Variants in PRR5L observed in about 807,000 individuals in gnomAD.
PRR5L encodes the protein proline-rich protein 5-like.
In PRR5L, 21 loss-of-function variants were observed where a neutral mutation model predicts 36.4. The observed-to-expected ratio is 0.58, with a 90% CI of 0.41 to 0.83. PRR5L has a LOEUF of 0.83. Ranked by LOEUF, PRR5L falls within the 40% of genes least tolerant of loss-of-function variation. PRR5L has a pLI of 0.00. For missense variants in PRR5L, 381 were observed against 473.3 expected, an observed-to-expected ratio of 0.80 and a Z score of 1.81; for synonymous variants, 188 against 197.0, an observed-to-expected ratio of 0.95 and a Z score of 0.38.
intron 1 of PRR5L, among the ~76,000 whole-genome samples, chr11:36,348,522 C>T (rs1856890676): frequency 6.6e-6 from 1 of 152,180 alleles, no homozygotes; most frequent in Non-Finnish European, 1.5e-5. Context: ...TTCCGGGCAC[C>T]TCTGTCTGCC....
At chr11:36,438,789 G>C (rs1377446247) in intron 6 of PRR5L, among the ~76,000 whole-genome samples, 2 of 151,898 alleles carry the variant, frequency 1.3e-5, no homozygotes, top group East Asian at 3.9e-4. Context: ...AAAAAAACTA[G>C]CCAGGCATGG....
intron 1 of PRR5L, among the ~76,000 whole-genome samples, chr11:36,365,489 A>T (rs1857135487): frequency 6.6e-6 from 1 of 152,156 alleles, no homozygotes; most frequent in Non-Finnish European, 1.5e-5. Context: ...ATTCCATGAA[A>T]TGAAATTAAA....
intron 1 of PRR5L, among the ~76,000 whole-genome samples, chr11:36,376,973 T>C (rs1311999191): frequency 6.6e-6 from 1 of 152,106 alleles, no homozygotes; most frequent in Non-Finnish European, 1.5e-5. Context: ...GCTCCCGGTC[T>C]GCTCTTTAGG....
Position 36,429,666 on chromosome 11 carries a change from A to T in PRR5L, c.295-2187A>T, listed in dbSNP as rs139593725. Among the ~76,000 whole-genome samples the T allele has an allele frequency of 1.4e-4, 22 of 152,342 alleles. No individual in the cohort carries two copies. In the East Asian group the frequency reaches 4.0e-3, roughly 28 times the overall value. ...AGAAGCCTGGAACATCAGTGTTGAC[A>T]CTAGATGTGCTGAGAAGAATGACAT... On this transcript the variant is annotated intron_variant, in intron 4 of 8. Transcript: ENST00000530639.
At chr11:36,444,652 G>T (rs1455635577) in intron 6 of PRR5L, among the ~76,000 whole-genome samples, 1 of 152,178 alleles carries the variant, frequency 6.6e-6, no homozygotes, top group African/African-American at 2.4e-5. Context: ...GGAGGTCCTA[G>T]AATTGTTTCC....
intron 1 of PRR5L, among the ~76,000 whole-genome samples, chr11:36,393,314 G>A (rs1362952530): frequency 6.6e-6 from 1 of 152,126 alleles, no homozygotes; most frequent in Non-Finnish European, 1.5e-5. Flanking sequence ...CATAGTATAA[G>A]GTCTTAGGTT....
chr11:36,447,510 A>G (rs1221144564), intron 7 of PRR5L, among the ~76,000 whole-genome samples: 1 of 152,190 alleles, frequency 6.6e-6, no homozygotes, highest in Non-Finnish European at 1.5e-5. Flanking sequence ...GGACACCCCC[A>G]AGAGGTGACT....
chr11:36,458,200 A>G (rs1306593048), intron 8 of PRR5L, among the ~76,000 whole-genome samples: 2 of 152,136 alleles, frequency 1.3e-5, no homozygotes, highest in Non-Finnish European at 2.9e-5. Flanking sequence ...AGTGTTTGCT[A>G]TTACTTGACT....
At chr11:36,340,919 C>T (rs1856810781) in intron 1 of PRR5L, among the ~76,000 whole-genome samples, 1 of 152,200 alleles carries the variant, frequency 6.6e-6, no homozygotes, top group Admixed American at 6.5e-5. Context: ...ATCTCAGAGC[C>T]AGCTGTGGTA....
intron 4 of PRR5L, among the ~76,000 whole-genome samples, chr11:36,422,855 T>C (rs187251750): frequency 9.9e-5 from 15 of 152,260 alleles, no homozygotes; most frequent in Non-Finnish European, 1.9e-4. Context: ...GGAAGGAAAA[T>C]TGGGGTTTCC....
chr11:36,304,071 G>A (rs1856404785), intron 1 of PRR5L, among the ~76,000 whole-genome samples: 1 of 152,138 alleles, frequency 6.6e-6, no homozygotes, highest in Admixed American at 6.6e-5. Flanking sequence ...GGTCCTCGCA[G>A]CATCCTCAGA....
intron 1 of PRR5L, among the ~76,000 whole-genome samples, chr11:36,337,099 A>G (rs1565396758): frequency 6.6e-6 from 1 of 152,234 alleles, no homozygotes; most frequent in East Asian, 1.9e-4. Flanking sequence ...GCTAAAAAGC[A>G]ACAACCTTTT....
intron 1 of PRR5L, among the ~76,000 whole-genome samples, chr11:36,397,561 A>G (rs1005618753): frequency 7.4e-6 from 1 of 135,876 alleles, no homozygotes; most frequent in East Asian, 2.2e-4. Context: ...GATTCAAGCG[A>G]TTCTCCTGCC....
rs1237092241 is a variant in PRR5L at position 36,464,464 on chromosome 11, A to G, written c.*1728A>G. 4 of 150,720 alleles carry G rather than the reference A, an allele frequency of 2.7e-5. No individual in the cohort carries two copies. The highest frequency in any genetic ancestry group is 4.4e-5 in the Non-Finnish European group (3 of 68,032). The allele number at this position is 150,720 out of a possible 1,614,324, so 9.3% of individuals were successfully genotyped here. A position where few individuals can be genotyped will look rare whatever the true frequency, so the allele number is the denominator to read the frequency against. On this transcript the variant is annotated 3_prime_UTR_variant, in exon 9 of 9. Transcript: ENST00000530639. Reference sequence around the variant, plus strand: ...TTAAGAGTTATTTCATTTTCATCCTAAGAGTGATGGGAGAGAAATGTCCAA... The same window carrying G: ...TTAAGAGTTATTTCATTTTCATCCTGAGAGTGATGGGAGAGAAATGTCCAA...
At chr11:36,451,420 C>CT (rs1448025499) in intron 8 of PRR5L, 85 bp downstream of exon 8, 3 of 1,494,006 alleles carry the variant, frequency 2.0e-6, no homozygotes, top group African/African-American at 2.8e-5. Flanking sequence ...TAACTGAGCA[C>CT]TGATACCAGC....
At chr11:36,390,574 G>A (rs1014591211) in intron 1 of PRR5L, among the ~76,000 whole-genome samples, 1 of 152,186 alleles carries the variant, frequency 6.6e-6, no homozygotes, top group African/African-American at 2.4e-5. Flanking sequence ...TCTGTAAGCT[G>A]GGGCTGGTAA....
At chr11:36,451,632 C>T (rs945713786) in intron 8 of PRR5L, among the ~76,000 whole-genome samples, 7 of 152,264 alleles carry the variant, frequency 4.6e-5, no homozygotes, top group East Asian at 3.9e-4. Context: ...CATTTTGGTG[C>T]GCCTAGGACA....
intron 1 of PRR5L, among the ~76,000 whole-genome samples, chr11:36,302,695 G>A (rs942121043): frequency 4.6e-5 from 7 of 152,184 alleles, no homozygotes; most frequent in African/African-American, 1.4e-4. Flanking sequence ...GCTGAGGCAC[G>A]AGAATCGCTT....
At chr11:36,373,590 C>G (rs925518766) in intron 1 of PRR5L, among the ~76,000 whole-genome samples, 3 of 145,256 alleles carry the variant, frequency 2.1e-5, no homozygotes, top group Admixed American at 1.4e-4. Flanking sequence ...GAGAGCAAGA[C>G]TCTGTTTTAA....
Sources: gnomAD v4.1 joint callset for allele counts (sites outside exome capture counted in the v4.1 genomes callset) on GRCh38, gnomAD v4.1.1 for gene constraint, MANE v1.5 for transcripts, NCBI Gene and HGNC (gene_info 2026-07-23, HGNC 2026-07-21) for gene names.